CTIF: variants seen among roughly 807,000 people sequenced by gnomAD.
CTIF encodes the protein CBP80/20-dependent translation initiation factor.
CTIF carries 21 observed loss-of-function variants against 66.0 expected under a neutral mutation model. That is an observed-to-expected ratio of 0.32 (90% CI 0.23 to 0.46). CTIF has a LOEUF of 0.46. Ranked by LOEUF, CTIF falls within the 20% of genes least tolerant of loss-of-function variation. The probability of loss-of-function intolerance (pLI) is 1.00; values close to 1 mark genes in which losing one functional copy is unlikely to be tolerated. For synonymous variants in CTIF, 345 were observed against 326.4 expected, an observed-to-expected ratio of 1.06 and a Z score of -0.62; for missense variants, 739 against 812.7, an observed-to-expected ratio of 0.91 and a Z score of 1.10.
At chr18:48,850,183 A>G (rs2069170589) in intron 10 of CTIF, among the ~76,000 whole-genome samples, 1 of 152,060 alleles carries the variant, frequency 6.6e-6, no homozygotes, top group Non-Finnish European at 1.5e-5. Flanking sequence ...GTGTTGTGGC[A>G]TGTGTCTCAA....
rs2092543261 is a variant in CTIF, at chr18:48,740,369, C to A, written c.585-17550C>A. 4.6e-5 allele frequency among the ~76,000 whole-genome samples: 7 copies of A among 152,322 alleles called. No homozygotes were observed. In the South Asian group the frequency reaches 1.5e-3, roughly 32 times the overall value. The stretch of plus-strand genomic sequence containing the variant: ...CCTCCAGAGTCCTCCAAAACCTGGC[C>A]CAACCTAACTTTCCAGAACCTCTTC... On this transcript the variant is annotated intron_variant, in intron 7 of 11. Transcript: ENST00000256413.
chr18:48,647,278 G>A (rs1032994636), intron 3 of CTIF, among the ~76,000 whole-genome samples: 1 of 152,214 alleles, frequency 6.6e-6, no homozygotes, highest in African/African-American at 2.4e-5. Context: ...AGAGGTTTGT[G>A]GTTGCCAGGA....
chr18:48,661,380 T>G (rs760869764), intron 3 of CTIF, among the ~76,000 whole-genome samples: 1 of 135,128 alleles, frequency 7.4e-6, no homozygotes, highest in Non-Finnish European at 1.7e-5. Flanking sequence ...GCAAGAGTTT[T>G]GTTTGCATGT....
At chr18:48,688,014 C>T (rs1045546687) in intron 6 of CTIF, among the ~76,000 whole-genome samples, 9 of 152,228 alleles carry the variant, frequency 5.9e-5, no homozygotes, top group African/African-American at 1.9e-4. Context: ...TAGCTTTAAT[C>T]TCCTTACTTG....
intron 5 of CTIF, among the ~76,000 whole-genome samples, chr18:48,665,414 G>A (rs998697552): frequency 1.3e-5 from 2 of 152,226 alleles, no homozygotes; most frequent in African/African-American, 2.4e-5. Flanking sequence ...TGACTCCAGC[G>A]AGACACAGAG....
chr18:48,668,105 T>A (rs1346864433), intron 5 of CTIF, among the ~76,000 whole-genome samples: 1 of 152,200 alleles, frequency 6.6e-6, no homozygotes, highest in African/African-American at 2.4e-5. Flanking sequence ...TCTGGGGAGA[T>A]CTGAGCCCTG....
At chr18:48,678,106 A>G (rs2091666669) in intron 6 of CTIF, among the ~76,000 whole-genome samples, 2 of 152,346 alleles carry the variant, frequency 1.3e-5, no homozygotes, top group Admixed American at 6.5e-5. Flanking sequence ...AGGTGCTGGA[A>G]AAACATTTTC....
intron 10 of CTIF, among the ~76,000 whole-genome samples, chr18:48,828,828 G>A (rs757590598): frequency 1.3e-5 from 2 of 152,198 alleles, no homozygotes; most frequent in Non-Finnish European, 2.9e-5. Flanking sequence ...AGGGCAGTAG[G>A]GGGACTCTCC....
At chr18:48,790,540 G>A (rs906123688) in intron 9 of CTIF, among the ~76,000 whole-genome samples, 10 of 152,184 alleles carry the variant, frequency 6.6e-5, no homozygotes, top group South Asian at 4.1e-4. Flanking sequence ...CCCATCCCCC[G>A]GACACACGTA....
At chr18:48,828,776 C>T (rs570667495) in intron 10 of CTIF, among the ~76,000 whole-genome samples, 2 of 152,334 alleles carry the variant, frequency 1.3e-5, no homozygotes, top group Non-Finnish European at 2.9e-5. Context: ...CTGTTCTCTG[C>T]GTTCCCTGCA....
At chr18:48,771,477 C>G (rs1368827826) in intron 9 of CTIF, among the ~76,000 whole-genome samples, 2 of 152,198 alleles carry the variant, frequency 1.3e-5, no homozygotes, top group African/African-American at 2.4e-5. Context: ...GCCAGGAGAG[C>G]TTTACCCAGG....
chr18:48,593,370 G>A (rs1474125083), intron 1 of CTIF, among the ~76,000 whole-genome samples: 2 of 151,808 alleles, frequency 1.3e-5, no homozygotes, highest in Non-Finnish European at 1.5e-5. Flanking sequence ...TATGTAACTA[G>A]AAATCTTTTT....
chr18:48,779,388 TGACA>T (rs1910999198), intron 9 of CTIF, among the ~76,000 whole-genome samples: 2 of 152,190 alleles, frequency 1.3e-5, no homozygotes, highest in Non-Finnish European at 2.9e-5. Context: ...AGCTGGTCAG[TGACA>T]GACAGAACTG....
intron 5 of CTIF, among the ~76,000 whole-genome samples, chr18:48,665,330 G>A (rs898595237): frequency 2.6e-5 from 4 of 152,220 alleles, no homozygotes; most frequent in African/African-American, 9.7e-5. Context: ...CACCCTCTAT[G>A]ACTTTGTGTG....
chr18:48,780,095 G>A (rs1461001584), intron 9 of CTIF, among the ~76,000 whole-genome samples: 2 of 152,160 alleles, frequency 1.3e-5, no homozygotes, highest in Non-Finnish European at 2.9e-5. Flanking sequence ...GAAGGGTGAT[G>A]GCACCTTTAA....
chr18:48,641,644 A>G (rs2144675220), intron 3 of CTIF, among the ~76,000 whole-genome samples: 1 of 152,358 alleles, frequency 6.6e-6, no homozygotes, highest in African/African-American at 2.4e-5. Context: ...GGAGAACCAG[A>G]TGTTGACCCA....
intron 10 of CTIF, among the ~76,000 whole-genome samples, chr18:48,825,294 A>G (rs1369828877): frequency 6.6e-6 from 1 of 151,536 alleles, no homozygotes; most frequent in Admixed American, 6.6e-5. Context: ...GGGCAGGGAG[A>G]GGGCAGATGC....
chr18:48,614,340 T>C (rs978432415), intron 1 of CTIF, among the ~76,000 whole-genome samples: 3 of 152,216 alleles, frequency 2.0e-5, no homozygotes, highest in African/African-American at 7.2e-5. Flanking sequence ...AAAAATGTGT[T>C]GGAACTTTTC....
intron 10 of CTIF, among the ~76,000 whole-genome samples, chr18:48,833,103 G>GCA (rs1193970755): frequency 6.6e-6 from 1 of 152,246 alleles, no homozygotes; most frequent in East Asian, 1.9e-4. Flanking sequence ...AGGCTTGGAT[G>GCA]CATGCCATGG....
Sources: allele counts gnomAD v4.1 joint callset (sites outside exome capture counted in the v4.1 genomes callset), GRCh38; gene constraint gnomAD v4.1.1; transcripts MANE v1.5; gene names NCBI Gene and HGNC (gene_info 2026-07-23, HGNC 2026-07-21).